Variants in TMEM131L observed in about 807,000 individuals in gnomAD.
TMEM131L encodes transmembrane 131 like, also known as transmembrane protein 131-like.
TMEM131L carries 54 observed loss-of-function variants against 192.2 expected under a neutral mutation model. The ratio of observed to expected loss-of-function variants is 0.28; its 90% CI spans 0.23 to 0.35. The LOEUF (loss-of-function observed/expected upper bound fraction) is 0.35. TMEM131L is among the 10% of genes least tolerant of loss of function. The probability of loss-of-function intolerance (pLI) is 1.00; values close to 1 mark genes in which losing one functional copy is unlikely to be tolerated. For synonymous variants in TMEM131L, 701 were observed against 704.9 expected, an observed-to-expected ratio of 0.99 and a Z score of 0.09; for missense variants, 1,888 against 1,972.9, an observed-to-expected ratio of 0.96 and a Z score of 0.82.
At chr4:153,572,769 A>G (rs1729677610) in intron 7 of TMEM131L, among the ~76,000 whole-genome samples, 1 of 152,336 alleles carries the variant, frequency 6.6e-6, no homozygotes, top group East Asian at 1.9e-4. Context: ...GGCAGTAAGT[A>G]CATTCACAGT....
At chr4:153,542,015 T>C (rs948579201) in intron 3 of TMEM131L, among the ~76,000 whole-genome samples, 4 of 152,190 alleles carry the variant, frequency 2.6e-5, no homozygotes, top group African/African-American at 9.7e-5. Context: ...AAAACTAGTA[T>C]CTGGCCCTTT....
chr4:153,540,785 G>A (rs1319889999), intron 3 of TMEM131L, among the ~76,000 whole-genome samples: 1 of 152,150 alleles, frequency 6.6e-6, no homozygotes, highest in Non-Finnish European at 1.5e-5. Context: ...CTCACGGTTG[G>A]TTTTCTAAAA....
intron 3 of TMEM131L, among the ~76,000 whole-genome samples, chr4:153,490,581 G>A (rs1732696225): frequency 6.6e-6 from 1 of 152,082 alleles, no homozygotes; most frequent in Non-Finnish European, 1.5e-5. Context: ...GTTTATTTGG[G>A]TAAACATAAA....
intron 7 of TMEM131L, among the ~76,000 whole-genome samples, chr4:153,562,326 G>C (rs1450062394): frequency 6.6e-6 from 1 of 152,056 alleles, no homozygotes; most frequent in South Asian, 2.1e-4. Context: ...ATGAGCCACC[G>C]CACCCAGCCT....
intron 3 of TMEM131L, among the ~76,000 whole-genome samples, chr4:153,531,183 G>A (rs1279199982): frequency 6.6e-6 from 1 of 152,204 alleles, no homozygotes; most frequent in African/African-American, 2.4e-5. Context: ...CACTGGAATT[G>A]TCTGAGAGAG....
chr4:153,477,959 C>G (rs973928480), intron 3 of TMEM131L, among the ~76,000 whole-genome samples: 1 of 152,148 alleles, frequency 6.6e-6, no homozygotes, highest in Non-Finnish European at 1.5e-5. Context: ...TACCCTTTAG[C>G]CATCAACCTC....
At chr4:153,584,541 A>G (rs761531400) in intron 11 of TMEM131L, among the ~76,000 whole-genome samples, 1 of 152,202 alleles carries the variant, frequency 6.6e-6, no homozygotes, top group Non-Finnish European at 1.5e-5. Flanking sequence ...TTTAGGTTTT[A>G]TTCCTTTCTT....
chr4:153,557,210 T>TA (rs1728530363), intron 6 of TMEM131L, 128 bp downstream of exon 6: 2 of 632,152 alleles, frequency 3.2e-6, no homozygotes, highest in South Asian at 3.7e-5. Flanking sequence ...ACAAGACTGT[T>TA]AGTGATGTTA....
At chr4:153,602,915 A>G (rs1731946678) in intron 23 of TMEM131L, among the ~76,000 whole-genome samples, 188 bp downstream of exon 23, 1 of 152,198 alleles carries the variant, frequency 6.6e-6, no homozygotes, top group African/African-American at 2.4e-5. Context: ...AACTAATCGT[A>G]AGAGAGTCAT....
rs573309799 is a variant in TMEM131L at position 153,625,055 on chromosome 4, G to A, written c.4046-1092G>A. Reference sequence around the variant, plus strand: ...ATAAAATGTTCACAGCACTGATAACGTTCTGTGCATGTGCATCTACCACAG... The same window carrying A: ...ATAAAATGTTCACAGCACTGATAACATTCTGTGCATGTGCATCTACCACAG... On this transcript the variant is annotated intron_variant, in intron 29 of 34. Coordinates refer to ENST00000409959, the MANE Select transcript of TMEM131L (RefSeq NM_001131007.2). Among the ~76,000 whole-genome samples, 469 of 152,312 alleles carry A rather than the reference G, an allele frequency of 3.1e-3. 1 individual carries two copies. Among genetic ancestry groups the A allele is most frequent in the Admixed American group, 4.4e-3 (67 of 15,302 alleles).
intron 25 of TMEM131L, among the ~76,000 whole-genome samples, chr4:153,611,682 A>G (rs770192822): frequency 1.3e-5 from 2 of 152,144 alleles, no homozygotes; most frequent in Non-Finnish European, 2.9e-5. Flanking sequence ...TTCTGTCTCT[A>G]TGAATTCGAT....
chr4:153,545,432 C>T (rs993816665), intron 3 of TMEM131L, among the ~76,000 whole-genome samples: 6 of 151,850 alleles, frequency 4.0e-5, no homozygotes, highest in Admixed American at 2.0e-4. Context: ...GGACTACAGG[C>T]GCCCGCCACC....
chr4:153,505,138 G>A (rs1284308506), intron 3 of TMEM131L, among the ~76,000 whole-genome samples: 3 of 139,608 alleles, frequency 2.1e-5, no homozygotes, highest in African/African-American at 2.7e-5. Flanking sequence ...ATGGAGTCTC[G>A]CTCTGTTGCC....
chr4:153,500,237 A>G (rs1733500937), intron 3 of TMEM131L, among the ~76,000 whole-genome samples: 1 of 152,104 alleles, frequency 6.6e-6, no homozygotes, highest in Non-Finnish European at 1.5e-5. Flanking sequence ...TATAGCTAGG[A>G]CCACAGGCTT....
At position 153,604,853 on chromosome 4, in the gene TMEM131L, T is replaced by C. The variant is rs1254483938; in HGVS notation, c.3418+423T>C. Among the ~76,000 whole-genome samples, 4 of 152,244 alleles carry C rather than the reference T, an allele frequency of 2.6e-5. No individual in the cohort carries two copies. In the East Asian group the frequency reaches 5.8e-4, roughly 22 times the overall value. On this transcript the variant is annotated intron_variant, in intron 25 of 34. Coordinates refer to ENST00000409959, the MANE Select transcript of TMEM131L (RefSeq NM_001131007.2). ...TCGAGTAGCTGGGATTACAGGTGTG[T>C]GCCACCACACCTGGCTAATTTTTGT...
intron 3 of TMEM131L, among the ~76,000 whole-genome samples, chr4:153,546,796 G>A (rs769031564): frequency 6.6e-6 from 1 of 152,192 alleles, no homozygotes; most frequent in Non-Finnish European, 1.5e-5. Flanking sequence ...ACCTAATGGC[G>A]CATGCCTGTA....
rs750436196 is a variant in TMEM131L, at chr4:153,539,492, A to ATTTT, written c.240-10558_240-10555dup. On this transcript the variant is annotated intron_variant, in intron 3 of 34. Transcript: ENST00000409959. ...TAAAAACATTATGTTCAGAGGCTAG[A>ATTTT]TTTTTTTTTTTTTTTTTTTTTTTTT... 2.8e-3 allele frequency among the ~76,000 whole-genome samples: 305 copies of ATTTT among 110,806 alleles called. 9 individuals are homozygous for ATTTT. The highest frequency in any genetic ancestry group is 0.011 in the African/African-American group (285 of 26,222). The allele number at this position is 110,806 out of a possible 152,430, so 72.7% of individuals were successfully genotyped here. A position where few individuals can be genotyped will look rare whatever the true frequency, so the allele number is the denominator to read the frequency against.
In TMEM131L at chr4:153,466,442, C is replaced by T. The variant is rs1316744425; in HGVS notation, c.45C>T (p.Thr15=). Residue 15 remains threonine, a synonymous_variant, in exon 1 of 35, where the codon ACC becomes ACT. Transcript: ENST00000409959. ...RRPQPGCYCR[T]AAAVNLLLGV... ...CGCAGCCCGGCTGCTACTGCCGCAC[C>T]GCGGCGGCCGTGAACCTCCTGCTGG... 13 of 1,413,212 alleles carry T rather than the reference C, an allele frequency of 9.2e-6. No individual in the cohort carries two copies. The highest frequency in any genetic ancestry group is 4.8e-5 in the Admixed American group (2 of 42,072). 87.5% of individuals were successfully genotyped at this position (1,413,212 alleles called of 1,614,324 possible).
intron 3 of TMEM131L, among the ~76,000 whole-genome samples, chr4:153,486,588 C>G (rs1373077695): frequency 1.3e-5 from 2 of 152,228 alleles, no homozygotes; most frequent in African/African-American, 2.4e-5. Context: ...CTGTTGGACT[C>G]TGTGTGCCGT....
Sources: allele counts gnomAD v4.1 joint callset (sites outside exome capture counted in the v4.1 genomes callset), GRCh38; gene constraint gnomAD v4.1.1; transcripts MANE v1.5; gene names NCBI Gene and HGNC (gene_info 2026-07-23, HGNC 2026-07-21).